ZFYVE28: variants seen among roughly 807,000 people sequenced by gnomAD.
ZFYVE28 encodes zinc finger FYVE-type containing 28, also known as lateral signaling target protein 2 homolog.
Under a neutral mutation model 82.1 loss-of-function variants are expected in ZFYVE28, and 40 were observed. The observed-to-expected ratio is 0.49, with a 90% CI of 0.38 to 0.63. ZFYVE28 has a LOEUF of 0.63. Among genes scored for constraint, ZFYVE28 ranks in the 30% least tolerant of loss-of-function variants. The probability of loss-of-function intolerance (pLI) is 0.00; values close to 1 mark genes in which losing one functional copy is unlikely to be tolerated. For missense variants in ZFYVE28, 1,321 were observed against 1,242.1 expected (o/e 1.06, Z -0.96); for synonymous variants, 612 against 546.1 (o/e 1.12, Z -1.68).
rs1388715235 is a variant in ZFYVE28, at chr4:2,320,178, C to T, written c.795G>A (p.Arg265=). Residue 265 remains arginine, a synonymous_variant, in exon 7 of 13, where the codon CGG becomes CGA. Transcript: ENST00000290974. This position sits in a 1 kb window ranked among gnomAD's most constrained non-coding sequence, Gnocchi z 5.1. ...ELFRPFHTLL[R]KIRDLLQTLT... Reference sequence around the variant, plus strand: ...TCTAGCTCCATCCCCACCTTATTTTCCGCAGCAACGTGTGGAAGGGCCGGA... The same window carrying T: ...TCTAGCTCCATCCCCACCTTATTTTTCGCAGCAACGTGTGGAAGGGCCGGA... 1.4e-6 allele frequency: 2 copies of T among 1,436,458 alleles called. No homozygotes were observed. Among genetic ancestry groups the T allele is most frequent in the Non-Finnish European group, 1.9e-6 (2 of 1,058,888 alleles). 89.0% of individuals were successfully genotyped at this position (1,436,458 alleles called of 1,614,324 possible).
At chr4:2,395,154 T>C (rs3135084) in intron 1 of ZFYVE28, among the ~76,000 whole-genome samples, 98,797 of 152,038 alleles carry the variant, frequency 0.65, 32,600 homozygotes, top group East Asian at 0.79. Flanking sequence ...TCCCCATCAC[T>C]GCCACGCCAG....
intron 3 of ZFYVE28, among the ~76,000 whole-genome samples, chr4:2,340,117 C>T (rs1037670071): frequency 2.0e-5 from 3 of 152,154 alleles, no homozygotes; most frequent in South Asian, 2.1e-4. Flanking sequence ...ATGAAGCAGC[C>T]GGGCTGATCC....
chr4:2,339,734 TGC>T lies in ZFYVE28; in HGVS notation c.319-81_319-80del. ...GGGTCGCCGACCCGGGGAACCTGAC[TGC>T]GCACCTCGGGGCCCCTCTTCTCACC... is the stretch of plus-strand genomic sequence containing the variant. On this transcript the variant is annotated intron_variant, in intron 3 of 12. Coordinates refer to ENST00000290974, the MANE Select transcript of ZFYVE28 (RefSeq NM_020972.3). The surrounding 1 kb of genome is among the most constrained non-coding windows in gnomAD (Gnocchi z 5.0). 1 of 1,409,558 alleles carries T rather than the reference TGC, an allele frequency of 7.1e-7. No homozygotes were observed. The highest frequency in any genetic ancestry group is 2.3e-5 in the Admixed American group (1 of 43,498). 87.3% of individuals were successfully genotyped at this position (1,409,558 alleles called of 1,614,324 possible).
rs933900959 is a variant in ZFYVE28, at chr4:2,286,975, C to G, written c.2052-12759G>C. Reference sequence around the variant, plus strand: ...ATACCAACTCCAATAAATATCCTTACAAGAGACAGACACAGCGAGGGGCCA... The same window carrying G: ...ATACCAACTCCAATAAATATCCTTAGAAGAGACAGACACAGCGAGGGGCCA... On this transcript the variant is annotated intron_variant, in intron 8 of 12. Coordinates refer to ENST00000290974, the MANE Select transcript of ZFYVE28 (RefSeq NM_020972.3). The G allele has an allele frequency of 7.2e-5, 11 of 152,364 alleles. No individual in the cohort carries two copies. In the East Asian group the frequency reaches 2.1e-3, roughly 29 times the overall value. 9.4% of individuals were successfully genotyped at this position (152,364 alleles called of 1,614,324 possible). A position where few individuals can be genotyped will look rare whatever the true frequency, so the allele number is the denominator to read the frequency against.
At chr4:2,307,728 A>C (rs931833075) in intron 7 of ZFYVE28, among the ~76,000 whole-genome samples, 9 of 152,182 alleles carry the variant, frequency 5.9e-5, no homozygotes, top group African/African-American at 1.9e-4. Flanking sequence ...TCCTGGCCTC[A>C]AGTGATCCTC....
In ZFYVE28 at chr4:2,304,276, G is replaced by C. The variant is rs369906864; in HGVS notation, c.2051+13C>G. The C allele has an allele frequency of 7.7e-6, 12 of 1,551,930 alleles. No individual in the cohort carries two copies. Among genetic ancestry groups the C allele is most frequent in the Non-Finnish European group, 9.5e-6 (11 of 1,158,282 alleles). On this transcript the variant is annotated intron_variant, in intron 8 of 12. Coordinates refer to ENST00000290974, the MANE Select transcript of ZFYVE28 (RefSeq NM_020972.3). ...GAGGACAAACCCAGTCTCTGGGCCA[G>C]ACTGGCTCTTACCTGGAGCCCGACA...
intron 1 of ZFYVE28, among the ~76,000 whole-genome samples, chr4:2,410,936 C>T (rs983558679): frequency 6.6e-6 from 1 of 151,474 alleles, no homozygotes; most frequent in African/African-American, 2.5e-5. Flanking sequence ...ATGTATCTGA[C>T]ATTTAAGTAG....
intron 1 of ZFYVE28, among the ~76,000 whole-genome samples, chr4:2,398,162 G>C (rs1241642022): frequency 2.0e-5 from 3 of 152,244 alleles, no homozygotes; most frequent in African/African-American, 7.2e-5. Flanking sequence ...GGGACCTAGA[G>C]CTGGTGCCAG....
At chr4:2,334,501 C>G (rs1485314479) in intron 6 of ZFYVE28, among the ~76,000 whole-genome samples, 1 of 151,960 alleles carries the variant, frequency 6.6e-6, no homozygotes, top group East Asian at 1.9e-4. Flanking sequence ...GAGGGGTATC[C>G]ATGCTCAACC....
chr4:2,315,418 C>T (rs1258320535), intron 7 of ZFYVE28, among the ~76,000 whole-genome samples: 1 of 152,062 alleles, frequency 6.6e-6, no homozygotes, highest in Non-Finnish European at 1.5e-5. Flanking sequence ...GGATTACAGG[C>T]GCCCGCCACC....
chr4:2,354,011 G>GA lies in ZFYVE28; in HGVS notation c.101_102insT (p.Ala35ArgfsTer34), dbSNP rs1724869079. On this transcript the variant is annotated frameshift_variant, in exon 2 of 13. Coordinates refer to ENST00000290974, the MANE Select transcript of ZFYVE28 (RefSeq NM_020972.3). LOFTEE classifies it high-confidence loss of function. ...GCCCATCCAGGCTGTCCAGCTCCGC[G>GA]GCCACCTGGTTCAGCTCCTCGTCGG... 3 of 1,585,224 alleles carry GA rather than the reference G, an allele frequency of 1.9e-6. No individual in the cohort carries two copies. The highest frequency in any genetic ancestry group is 2.6e-6 in the Non-Finnish European group (3 of 1,166,140).
chr4:2,316,222 C>A (rs1238692577), intron 7 of ZFYVE28: 1 of 151,662 alleles, frequency 6.6e-6, no homozygotes, highest in Non-Finnish European at 1.5e-5. Context: ...CTATGTTGTC[C>A]TGGCTGGAGT....
At chr4:2,383,113 G>A (rs1393966347) in intron 1 of ZFYVE28, among the ~76,000 whole-genome samples, 1 of 152,162 alleles carries the variant, frequency 6.6e-6, no homozygotes, top group East Asian at 1.9e-4. Context: ...GGACTGTTGG[G>A]AAAGCATGAT....
intron 1 of ZFYVE28, among the ~76,000 whole-genome samples, chr4:2,414,749 C>G (rs1578439634): frequency 6.6e-6 from 1 of 152,194 alleles, no homozygotes; most frequent in African/African-American, 2.4e-5. Flanking sequence ...CCCTCTCCCC[C>G]ATGCCGGGAA....
intron 6 of ZFYVE28, chr4:2,330,623 C>T (rs923891697): frequency 2.5e-5 from 33 of 1,345,570 alleles, no homozygotes; most frequent in Non-Finnish European, 2.7e-5. Context: ...GACAAGGGGA[C>T]AGCATAGAGG....
At chr4:2,322,235 CAG>C (rs1275092914) in intron 6 of ZFYVE28, among the ~76,000 whole-genome samples, 1 of 151,780 alleles carries the variant, frequency 6.6e-6, no homozygotes, top group Non-Finnish European at 1.5e-5. Flanking sequence ...GGGCGGCTGC[CAG>C]AGACTCAGCA....
At chr4:2,330,807 G>A (rs571173208) in intron 6 of ZFYVE28, 67 of 1,533,280 alleles carry the variant, frequency 4.4e-5, no homozygotes, top group Non-Finnish European at 5.6e-5. Context: ...GAGCGAAGGG[G>A]ACAGCATGGT....
intron 7 of ZFYVE28, chr4:2,307,202 T>A (rs898589141): frequency 1.2e-4 from 19 of 152,382 alleles, no homozygotes; most frequent in African/African-American, 4.3e-4. Flanking sequence ...AGATTTTCTC[T>A]ATGTAAAGTT....
At chr4:2,303,299 C>T (rs747496790) in intron 8 of ZFYVE28, among the ~76,000 whole-genome samples, 9 of 152,202 alleles carry the variant, frequency 5.9e-5, no homozygotes, top group South Asian at 4.1e-4. Context: ...CCACCAAGAA[C>T]CCCCTTCCCC....
Sources: gnomAD v4.1 joint callset for allele counts (sites outside exome capture counted in the v4.1 genomes callset) on GRCh38, gnomAD v4.1.1 for gene constraint, Gnocchi (gnomAD v3.1) non-coding constraint, MANE v1.5 for transcripts, NCBI Gene and HGNC (gene_info 2026-07-23, HGNC 2026-07-21) for gene names.